ACOXL: variants seen among roughly 807,000 people sequenced by gnomAD.
The protein encoded by ACOXL is acyl-CoA oxidase like, also known as acyl-coenzyme A oxidase-like protein.
A neutral mutation model predicts 71.9 loss-of-function variants in ACOXL; 70 were observed. The observed-to-expected ratio is 0.97, with a 90% CI of 0.80 to 1.19. The LOEUF is 1.19. ACOXL is among the 50% of genes most tolerant of loss of function. The pLI, the probability that ACOXL is intolerant of heterozygous loss-of-function variation, is 0.00. For missense variants in ACOXL, 703 were observed against 736.3 expected (o/e 0.95, Z 0.52); for synonymous variants, 253 against 281.6 (o/e 0.90, Z 1.02).
At chr2:110,892,847 G>C (rs941831692) in intron 10 of ACOXL, among the ~76,000 whole-genome samples, 1 of 152,170 alleles carries the variant, frequency 6.6e-6, no homozygotes, top group South Asian at 2.1e-4. Context: ...GGAATTGTCT[G>C]GGAAGAGGGA....
At chr2:110,916,818 T>C (rs1480208249) in intron 11 of ACOXL, among the ~76,000 whole-genome samples, 1 of 152,160 alleles carries the variant, frequency 6.6e-6, no homozygotes, top group African/African-American at 2.4e-5. Context: ...AAGAAATGGA[T>C]AAATTCCTGG....
chr2:110,807,002 G>A (rs144668027), intron 9 of ACOXL, among the ~76,000 whole-genome samples: 5 of 152,334 alleles, frequency 3.3e-5, no homozygotes, highest in African/African-American at 1.2e-4. Context: ...GAGCCACAGT[G>A]GGTGATTCCT....
At chr2:110,888,912 G>T (rs1318665565) in intron 10 of ACOXL, among the ~76,000 whole-genome samples, 1 of 152,156 alleles carries the variant, frequency 6.6e-6, no homozygotes, top group Non-Finnish European at 1.5e-5. Flanking sequence ...TAATGTACAA[G>T]CAAAAGAAAA....
rs148543890 is a variant in ACOXL at position 110,995,976 on chromosome 2, G to A, written c.1253G>A (p.Arg418Gln). The A allele has an allele frequency of 1.9e-5, 30 of 1,590,908 alleles. No homozygotes were observed. The highest frequency in any genetic ancestry group is 1.2e-4 in the Admixed American group (7 of 58,610). ...AVKFRERVLQ[R>Q]GLVARIYYKV... Reference sequence around the variant, plus strand: ...AAATTTCGTGAAAGGGTTCTTCAGCGGGGTTTGGTGGCCAGAATTTATTAT... The same window carrying A: ...AAATTTCGTGAAAGGGTTCTTCAGCAGGGTTTGGTGGCCAGAATTTATTAT... Residue 418 changes from arginine (R) to glutamine (Q), a missense_variant, in exon 14 of 18, where the codon CGG becomes CAG. Transcript: ENST00000439055.
intron 14 of ACOXL, among the ~76,000 whole-genome samples, chr2:111,020,731 C>G (rs985785601): frequency 7.2e-5 from 11 of 152,178 alleles, no homozygotes; most frequent in Admixed American, 7.2e-4. Flanking sequence ...GATGTGGGCT[C>G]TCATGCAGCT....
chr2:110,744,614 C>T (rs557094739), intron 1 of ACOXL, among the ~76,000 whole-genome samples: 1 of 152,294 alleles, frequency 6.6e-6, no homozygotes, highest in East Asian at 1.9e-4. Flanking sequence ...ACTTCACACT[C>T]CTCCCACACT....
chr2:110,972,649 G>GCACACA (rs56400982), intron 12 of ACOXL, among the ~76,000 whole-genome samples: 1 of 149,920 alleles, frequency 6.7e-6, no homozygotes, highest in Non-Finnish European at 1.5e-5. Context: ...ACACACACGT[G>GCACACA]CACACACACA....
chr2:110,902,328 G>T (rs377120096), intron 10 of ACOXL, among the ~76,000 whole-genome samples: 80 of 152,298 alleles, frequency 5.3e-4, no homozygotes, highest in African/African-American at 1.9e-3. Context: ...AAATTAGTCA[G>T]GCGTGGTGGT....
At chr2:111,030,257 G>T (rs1199557190) in intron 14 of ACOXL, among the ~76,000 whole-genome samples, 3 of 152,168 alleles carry the variant, frequency 2.0e-5, no homozygotes, top group African/African-American at 7.2e-5. Flanking sequence ...AGAAGTGTCT[G>T]GCCAGCTCTT....
At chr2:110,740,667 T>A (rs1426071039) in intron 1 of ACOXL, among the ~76,000 whole-genome samples, 3 of 152,228 alleles carry the variant, frequency 2.0e-5, no homozygotes, top group African/African-American at 7.2e-5. Context: ...TGAGCATTTA[T>A]TGGATGTAGG....
rs1221944194 is a variant in ACOXL at position 111,117,624 on chromosome 2, T to G, written c.1551T>G (p.Asp517Glu). ...ASTRIRNQLLDLCDSVKDDAR... is the reference protein window; with the variant it reads ...ASTRIRNQLLELCDSVKDDAR... ...TGTGTTGTGTTTTGCAGTTGCTGGA[T>G]TTGTGCGACTCGGTGAAGGATGATG... is the stretch of plus-strand genomic sequence containing the variant. Residue 517 changes from aspartate to glutamate, a missense_variant, in exon 18 of 18, where the codon GAT becomes GAG. By Grantham distance (45) the Asp-to-Glu change is conservative. Coordinates refer to ENST00000439055, the MANE Select transcript of ACOXL (RefSeq NM_001142807.4). 1 of 1,551,756 alleles carries G rather than the reference T, an allele frequency of 6.4e-7. No individual in the cohort carries two copies. Among genetic ancestry groups the G allele is most frequent in the South Asian group, 1.2e-5 (1 of 84,056 alleles).
intron 9 of ACOXL, among the ~76,000 whole-genome samples, chr2:110,823,042 C>T (rs1268804123): frequency 6.6e-6 from 1 of 152,056 alleles, no homozygotes; most frequent in Non-Finnish European, 1.5e-5. Flanking sequence ...CACCTGAGGT[C>T]AGTAGTTCGA....
At chr2:111,021,367 A>G (rs956186614) in intron 14 of ACOXL, among the ~76,000 whole-genome samples, 1 of 152,206 alleles carries the variant, frequency 6.6e-6, no homozygotes, top group African/African-American at 2.4e-5. Context: ...TGCTCTCTGT[A>G]TCCTTTCTCC....
At chr2:110,833,602 T>A (rs1460553931) in intron 9 of ACOXL, among the ~76,000 whole-genome samples, 1 of 152,174 alleles carries the variant, frequency 6.6e-6, no homozygotes, top group Non-Finnish European at 1.5e-5. Context: ...CTCTCTGTAT[T>A]ACTTCTCCAT....
chr2:110,827,428 T>C (rs1397301678), intron 9 of ACOXL, among the ~76,000 whole-genome samples: 1 of 152,078 alleles, frequency 6.6e-6, no homozygotes, highest in Non-Finnish European at 1.5e-5. Flanking sequence ...TGCACTGCAT[T>C]TGGGGCCTGG....
At chr2:110,788,249 A>G (rs1344376446) in intron 3 of ACOXL, among the ~76,000 whole-genome samples, 1 of 152,244 alleles carries the variant, frequency 6.6e-6, no homozygotes, top group East Asian at 1.9e-4. Flanking sequence ...ATTTCCGTCA[A>G]CAGAGGAGTG....
chr2:110,849,136 G>A (rs978290094), intron 10 of ACOXL, among the ~76,000 whole-genome samples: 1 of 152,188 alleles, frequency 6.6e-6, no homozygotes, highest in Non-Finnish European at 1.5e-5. Flanking sequence ...AGCTTCTCAG[G>A]TCAGAGCCTA....
At chr2:110,873,311 T>C (rs1240403949) in intron 10 of ACOXL, among the ~76,000 whole-genome samples, 1 of 151,466 alleles carries the variant, frequency 6.6e-6, no homozygotes, top group Non-Finnish European at 1.5e-5. Flanking sequence ...GTGGGAGATC[T>C]GGGAGGAGGC....
intron 10 of ACOXL, among the ~76,000 whole-genome samples, chr2:110,856,469 A>C (rs1266128346): frequency 6.6e-6 from 1 of 152,232 alleles, no homozygotes; most frequent in Non-Finnish European, 1.5e-5. Context: ...TGCCAAAGAG[A>C]AGCCATAAAG....
Sources: gnomAD v4.1 joint callset for allele counts (sites outside exome capture counted in the v4.1 genomes callset) on GRCh38, gnomAD v4.1.1 for gene constraint, MANE v1.5 for transcripts, NCBI Gene and HGNC (gene_info 2026-07-23, HGNC 2026-07-21) for gene names.